Variants in PRKN observed in about 807,000 individuals in gnomAD.
PRKN encodes the protein E3 ubiquitin-protein ligase parkin.
PRKN carries 56 observed loss-of-function variants against 59.5 expected under a neutral mutation model. The observed-to-expected ratio is 0.94, with a 90% CI of 0.76 to 1.18. The LOEUF (loss-of-function observed/expected upper bound fraction) is 1.18. Among genes scored for constraint, PRKN ranks in the 50% most tolerant of loss-of-function variants. The probability of loss-of-function intolerance (pLI) is 0.00; values close to 1 mark genes in which losing one functional copy is unlikely to be tolerated. For missense variants in PRKN, 657 were observed against 596.4 expected, an observed-to-expected ratio of 1.10 and a Z score of -1.06; for synonymous variants, 250 against 222.1, an observed-to-expected ratio of 1.13 and a Z score of -1.12.
At chr6:161,774,892 A>T (rs1336296058) in intron 7 of PRKN, among the ~76,000 whole-genome samples, 1 of 152,184 alleles carries the variant, frequency 6.6e-6, no homozygotes, top group Non-Finnish European at 1.5e-5. Context: ...GAAGCTTAGG[A>T]AGTTTGATTT....
At chr6:162,282,433 G>A (rs1172781538) in intron 2 of PRKN, among the ~76,000 whole-genome samples, 1 of 152,090 alleles carries the variant, frequency 6.6e-6, no homozygotes, top group Non-Finnish European at 1.5e-5. Context: ...ACAAATAAAA[G>A]TGCTTATGAT....
chr6:162,337,668 C>A lies in PRKN; in HGVS notation c.172-74903G>T, dbSNP rs149704232. On this transcript the variant is annotated intron_variant, in intron 2 of 11. Coordinates refer to ENST00000366898, the MANE Select transcript of PRKN (RefSeq NM_004562.3). ...GCTGCAGGATCAGCAGGTCTCGATCCATCATCATTCCTCCTTGGCCCCATA... is the reference window on the plus strand; with the variant it reads ...GCTGCAGGATCAGCAGGTCTCGATCAATCATCATTCCTCCTTGGCCCCATA... 2.9e-3 allele frequency among the ~76,000 whole-genome samples: 448 copies of A among 152,258 alleles called. 2 individuals carry two copies. Among genetic ancestry groups the A allele is most frequent in the African/African-American group, 0.01 (422 of 41,546 alleles).
At chr6:162,203,190 C>T (rs1371645469) in intron 3 of PRKN, among the ~76,000 whole-genome samples, 2 of 152,150 alleles carry the variant, frequency 1.3e-5, no homozygotes, top group African/African-American at 2.4e-5. Flanking sequence ...GATATATCAA[C>T]GCAGAATCTG....
At chr6:161,834,585 C>T (rs887206470) in intron 6 of PRKN, among the ~76,000 whole-genome samples, 1 of 152,216 alleles carries the variant, frequency 6.6e-6, no homozygotes, top group African/African-American at 2.4e-5. Context: ...GGGGAACACG[C>T]TCATTAGGAA....
At chr6:162,216,552 A>AC (rs1352813076) in intron 3 of PRKN, among the ~76,000 whole-genome samples, 87 of 150,818 alleles carry the variant, frequency 5.8e-4, no homozygotes, top group African/African-American at 2.1e-3. Flanking sequence ...AAAAAAAAAA[A>AC]AAAAAAAAAA....
chr6:162,686,488 C>T (rs1562496547), intron 1 of PRKN, among the ~76,000 whole-genome samples: 1 of 151,902 alleles, frequency 6.6e-6, no homozygotes, highest in Non-Finnish European at 1.5e-5. Flanking sequence ...GGTAGGAAAA[C>T]CCATTTGGAA....
At chr6:162,427,647 T>G (rs1036830703) in intron 2 of PRKN, among the ~76,000 whole-genome samples, 23 of 149,682 alleles carry the variant, frequency 1.5e-4, no homozygotes, top group Non-Finnish European at 3.1e-4. Flanking sequence ...AATAAATGTT[T>G]TTTTTTCTTT....
intron 4 of PRKN, 24 bp from the exon 5 acceptor site, chr6:162,054,198 T>C (rs368945837): frequency 2.2e-6 from 3 of 1,368,724 alleles, no homozygotes; most frequent in African/African-American, 1.4e-5. Flanking sequence ...CAACAATATA[T>C]GCTTATATGA....
rs1787058586 is a variant in PRKN, at chr6:161,401,676, C to A, written c.1084-14799G>T. ...TGGATTTCACCCTTGAAGTTAAGCA[C>A]ACACTAATGACAGAAGCTGAAATAA... is the stretch of plus-strand genomic sequence containing the variant. On this transcript the variant is annotated intron_variant, in intron 9 of 11. Coordinates refer to ENST00000366898, the MANE Select transcript of PRKN (RefSeq NM_004562.3). This position sits in a 1 kb window ranked among gnomAD's most constrained non-coding sequence, Gnocchi z 4.4. 6.6e-6 allele frequency among the ~76,000 whole-genome samples: 1 copy of A among 152,056 alleles called. No individual in the cohort carries two copies. The highest frequency in any genetic ancestry group is 1.5e-5 in the Non-Finnish European group (1 of 68,020).
intron 7 of PRKN, among the ~76,000 whole-genome samples, chr6:161,638,562 G>A (rs182353928): frequency 1.3e-3 from 202 of 152,208 alleles, no homozygotes; most frequent in Non-Finnish European, 1.5e-4. Flanking sequence ...CTACAGCTGG[G>A]ACTAGAAATC....
At chr6:162,375,306 C>T (rs1786000376) in intron 2 of PRKN, among the ~76,000 whole-genome samples, 1 of 151,730 alleles carries the variant, frequency 6.6e-6, no homozygotes. Flanking sequence ...TAACCAGGGT[C>T]TCAAGCTGGT....
chr6:162,514,517 TCTC>T (rs1455016955), intron 1 of PRKN, among the ~76,000 whole-genome samples: 1 of 152,192 alleles, frequency 6.6e-6, no homozygotes, highest in Non-Finnish European at 1.5e-5. Flanking sequence ...TCTGTCCTCT[TCTC>T]CTCACTTGGT....
rs930338450 is a variant in PRKN, at chr6:161,592,326, C to A, written c.872-22910G>T. ...AATTTCTACCTTAAAGACTGAGGAG[C>A]AAAATATAAGGAGACAATGCATTAA... On this transcript the variant is annotated intron_variant, in intron 7 of 11. Coordinates refer to ENST00000366898, the MANE Select transcript of PRKN (RefSeq NM_004562.3). This position sits in a 1 kb window ranked among gnomAD's most constrained non-coding sequence, Gnocchi z 4.8. 6.6e-6 allele frequency among the ~76,000 whole-genome samples: 1 copy of A among 152,006 alleles called. No homozygotes were observed. The highest frequency in any genetic ancestry group is 1.5e-5 in the Non-Finnish European group (1 of 68,002).
At chr6:162,216,387 G>A (rs942601791) in intron 3 of PRKN, among the ~76,000 whole-genome samples, 6 of 151,104 alleles carry the variant, frequency 4.0e-5, no homozygotes, top group South Asian at 2.1e-4. Flanking sequence ...AAAATTAGCC[G>A]GGCGCGGTGG....
chr6:161,421,899 T>C (rs1788123607), intron 9 of PRKN, among the ~76,000 whole-genome samples: 1 of 152,130 alleles, frequency 6.6e-6, no homozygotes, highest in South Asian at 2.1e-4. Flanking sequence ...AGCAACAGAG[T>C]GGCTATGATA....
At chr6:162,232,139 C>T (rs967706854) in intron 3 of PRKN, among the ~76,000 whole-genome samples, 1 of 152,054 alleles carries the variant, frequency 6.6e-6, no homozygotes, top group Non-Finnish European at 1.5e-5. Context: ...CAAGATTATG[C>T]GAAACGAGGG....
intron 7 of PRKN, among the ~76,000 whole-genome samples, chr6:161,623,080 A>G (rs1782964891): frequency 6.6e-6 from 1 of 152,238 alleles, no homozygotes; most frequent in Admixed American, 6.5e-5. Context: ...TTTCTAAGAA[A>G]AAGATAATAG....
intron 6 of PRKN, among the ~76,000 whole-genome samples, chr6:161,849,949 T>C (rs6926642): frequency 0.53 from 80,926 of 151,950 alleles, 21,752 homozygotes; most frequent in East Asian, 0.76. Flanking sequence ...GCGTCAGCTA[T>C]TTTCGCTACC....
At chr6:161,814,076 T>C (rs1122327) in intron 6 of PRKN, among the ~76,000 whole-genome samples, 109,206 of 152,090 alleles carry the variant, frequency 0.72, 40,043 homozygotes, top group African/African-American at 0.86. Context: ...GGTAGCATCT[T>C]TGGTGATGCG....
Sources: allele counts gnomAD v4.1 joint callset (sites outside exome capture counted in the v4.1 genomes callset), GRCh38; gene constraint gnomAD v4.1.1; non-coding constraint Gnocchi (gnomAD v3.1); transcripts MANE v1.5; gene names NCBI Gene and HGNC (gene_info 2026-07-23, HGNC 2026-07-21).